MACF1: variants seen among roughly 807,000 people sequenced by gnomAD.
MACF1 encodes microtubule actin crosslinking factor 1.
In MACF1, 193 loss-of-function variants were observed where a neutral mutation model predicts 854.8. The observed-to-expected ratio is 0.23, with a 90% CI of 0.20 to 0.25. MACF1 has a LOEUF of 0.25. Ranked by LOEUF, MACF1 falls within the 10% of genes least tolerant of loss-of-function variation. The pLI is 1.00. For missense variants in MACF1, 7,722 were observed against 8,929.1 expected (o/e 0.86, Z 5.45); for synonymous variants, 3,185 against 3,226.7 (o/e 0.99, Z 0.44).
chr1:39,220,705 G>A (rs1644641986), intron 1 of MACF1, among the ~76,000 whole-genome samples: 1 of 151,428 alleles, frequency 6.6e-6, no homozygotes, highest in Non-Finnish European at 1.5e-5. Flanking sequence ...GGCTGGTCTT[G>A]AACTCCGGAC....
chr1:39,296,008 C>T, intron 20 of MACF1, 126 bp downstream of exon 20: 1 of 758,134 alleles, frequency 1.3e-6, no homozygotes, highest in Non-Finnish European at 2.1e-6. Context: ...TTGCTTAAAA[C>T]AATAGTCATT....
Position 39,441,004 on chromosome 1 carries a change from C to G in MACF1, c.18449C>G (p.Thr6150Ser), listed in dbSNP as rs1644105446. 2.5e-6 allele frequency: 4 copies of G among 1,613,952 alleles called. No individual in the cohort carries two copies. The highest frequency in any genetic ancestry group is 3.4e-6 in the Non-Finnish European group (4 of 1,180,006). Residue 6150 changes from threonine to serine, a missense_variant and splice_region_variant, in exon 73 of 101, where the codon ACT becomes AGT. Thr to Ser is a moderately conservative substitution (Grantham distance 58). Transcript: ENST00000564288. ...TATATTCTATTCGTTTACATGTAGACTATTAAGGAAGAGACAGATGGTCTG... is the reference window on the plus strand; with the variant it reads ...TATATTCTATTCGTTTACATGTAGAGTATTAAGGAAGAGACAGATGGTCTG... ...IIKQQVEAAE[T>S]IKEETDGLHE... is the part of the protein sequence containing the mutation.
chr1:39,347,271 T>G, intron 41 of MACF1, 61 bp downstream of exon 41: 1 of 1,278,536 alleles, frequency 7.8e-7, no homozygotes. Flanking sequence ...GTCATTGGGT[T>G]TTCTGGCCAG....
Position 39,308,758 on chromosome 1 carries a change from C to T in MACF1, c.2790-812C>T, listed in dbSNP as rs12077079. 4.0e-3 allele frequency among the ~76,000 whole-genome samples: 614 copies of T among 151,924 alleles called. 3 individuals carry two copies. The highest frequency in any genetic ancestry group is 0.014 in the African/African-American group (593 of 41,424). ...GCAACCTCCACCTCCCGGGTTCAAG[C>T]GATTCTCCTGCCTCAGCCTCCCAAG... On this transcript the variant is annotated intron_variant, in intron 23 of 100. Transcript: ENST00000564288.
intron 2 of MACF1, among the ~76,000 whole-genome samples, chr1:39,136,401 G>T (rs748100276): frequency 1.6e-4 from 24 of 152,188 alleles, no homozygotes; most frequent in Non-Finnish European, 3.1e-4. Context: ...GTGAGGAGAG[G>T]CAGTAGTCCC....
intron 65 of MACF1, 59 bp from the exon 66 acceptor site, chr1:39,430,643 C>T (rs1643863733): frequency 1.5e-6 from 2 of 1,351,190 alleles, no homozygotes; most frequent in East Asian, 2.3e-5. Context: ...CCACCCAGCA[C>T]AGTTGCTGAT....
At chr1:39,190,422 T>TTC (rs1644240921) in intron 2 of MACF1, among the ~76,000 whole-genome samples, 4 of 111,664 alleles carry the variant, frequency 3.6e-5, no homozygotes, top group Non-Finnish European at 6.9e-5. Flanking sequence ...TTTTTTTTGA[T>TTC]GGAATCTTGC....
rs1236454091 is a variant in MACF1, at chr1:39,409,789, T to A, written c.15817-12585T>A. On this transcript the variant is annotated intron_variant, in intron 58 of 100. Coordinates refer to ENST00000564288, the MANE Select transcript of MACF1 (RefSeq NM_001394062.1). This position sits in a 1 kb window ranked among gnomAD's most constrained non-coding sequence, Gnocchi z 4.2. ...GACTCTCCAGGGCTGGAACTGAGGA[T>A]AAAATGAAAGGAATTCTTAGGAGCT... 6.5e-6 allele frequency: 1 copy of A among 154,004 alleles called. No individual in the cohort carries two copies. Among genetic ancestry groups the A allele is most frequent in the Non-Finnish European group, 1.4e-5 (1 of 69,370 alleles). 9.5% of individuals were successfully genotyped at this position (154,004 alleles called of 1,614,324 possible).
intron 26 of MACF1, among the ~76,000 whole-genome samples, chr1:39,314,583 A>T (rs1029489656): frequency 6.6e-6 from 1 of 150,652 alleles, no homozygotes; most frequent in African/African-American, 2.4e-5. Flanking sequence ...ACACACACAC[A>T]CACACACACA....
intron 2 of MACF1, among the ~76,000 whole-genome samples, chr1:39,238,449 G>T (rs889947150): frequency 6.6e-6 from 1 of 152,232 alleles, no homozygotes; most frequent in East Asian, 1.9e-4. Flanking sequence ...GTCACTGGGA[G>T]GGATTTAGCT....
At chr1:39,112,541 G>A (rs1642439250) in intron 2 of MACF1, among the ~76,000 whole-genome samples, 1 of 152,104 alleles carries the variant, frequency 6.6e-6, no homozygotes, top group African/African-American at 2.4e-5. Context: ...AGTCAGGCAT[G>A]GTGGTGCAAT....
intron 2 of MACF1, among the ~76,000 whole-genome samples, chr1:39,113,159 C>T (rs937079849): frequency 1.3e-5 from 2 of 152,164 alleles, no homozygotes; most frequent in African/African-American, 4.8e-5. Flanking sequence ...CCTCTCCCTA[C>T]CCCTAATCTC....
intron 40 of MACF1, among the ~76,000 whole-genome samples, chr1:39,346,239 G>C (rs1647044254): frequency 6.6e-6 from 1 of 151,948 alleles, no homozygotes; most frequent in Admixed American, 6.5e-5. Flanking sequence ...GCGGGCGCCT[G>C]TAGTCCCAGC....
At chr1:39,445,923 G>A (rs1644220124) in intron 80 of MACF1, among the ~76,000 whole-genome samples, 1 of 152,204 alleles carries the variant, frequency 6.6e-6, no homozygotes, top group Non-Finnish European at 1.5e-5. Context: ...TGGTGCCCCT[G>A]CATTCTAGCC....
chr1:39,420,540 G>T (rs571215268), intron 58 of MACF1, among the ~76,000 whole-genome samples: 1 of 152,302 alleles, frequency 6.6e-6, no homozygotes, highest in East Asian at 1.9e-4. Context: ...GTAAAAAAAT[G>T]AAGTGCACTC....
intron 58 of MACF1, among the ~76,000 whole-genome samples, chr1:39,416,972 A>T (rs1271809855): frequency 6.6e-6 from 1 of 152,216 alleles, no homozygotes; most frequent in Non-Finnish European, 1.5e-5. Flanking sequence ...AAATTGGTGA[A>T]ATATTATTTT....
chr1:39,291,952 G>A lies in MACF1; in HGVS notation c.1828G>A (p.Val610Met). 1 of 1,614,062 alleles carries A rather than the reference G, an allele frequency of 6.2e-7. No individual in the cohort carries two copies. The highest frequency in any genetic ancestry group is 1.1e-5 in the South Asian group (1 of 91,084). Residue 610 changes from valine to methionine, a missense_variant, in exon 16 of 101, where the codon GTG becomes ATG. Coordinates refer to ENST00000564288, the MANE Select transcript of MACF1 (RefSeq NM_001394062.1). ...AGAGTGGGGCAATGACCTGCCTAGT[G>A]TGGAGTTGCAGCTAGAAACACAGCA... ...RAEWGNDLPS[V>M]ELQLETQQHI... is the part of the protein sequence containing the mutation.
At chr1:39,301,515 C>T (rs1364169193) in intron 22 of MACF1, among the ~76,000 whole-genome samples, 1 of 151,042 alleles carries the variant, frequency 6.6e-6, no homozygotes, top group African/African-American at 2.4e-5. Flanking sequence ...AACCTCTGCC[C>T]CCTGGGTTCA....
intron 41 of MACF1, among the ~76,000 whole-genome samples, 191 bp downstream of exon 41, chr1:39,347,401 T>G (rs1647077747): frequency 6.6e-6 from 1 of 152,202 alleles, no homozygotes; most frequent in African/African-American, 2.4e-5. Flanking sequence ...TGCCATGTCT[T>G]TGGTTTTATG....
Sources: gnomAD v4.1 joint callset for allele counts (sites outside exome capture counted in the v4.1 genomes callset) on GRCh38, gnomAD v4.1.1 for gene constraint, Gnocchi (gnomAD v3.1) non-coding constraint, MANE v1.5 for transcripts, NCBI Gene and HGNC (gene_info 2026-07-23, HGNC 2026-07-21) for gene names.